Variants in DCC observed in about 807,000 individuals in gnomAD.
DCC encodes the protein DCC netrin 1 receptor.
Under a neutral mutation model 172.5 loss-of-function variants are expected in DCC, and 58 were observed. That is an observed-to-expected ratio of 0.34 (90% CI 0.27 to 0.42). The LOEUF is 0.42. Ranked by LOEUF, DCC falls within the 10% of genes least tolerant of loss-of-function variation. The pLI is 1.00. For synonymous variants in DCC, 709 were observed against 644.5 expected (o/e 1.10, Z -1.52); for missense variants, 1,740 against 1,791.0 (o/e 0.97, Z 0.51).
At chr18:52,955,128 T>G (rs899848913) in intron 5 of DCC, among the ~76,000 whole-genome samples, 4 of 152,188 alleles carry the variant, frequency 2.6e-5, no homozygotes, top group Non-Finnish European at 2.9e-5. Flanking sequence ...ATATGGGTTT[T>G]GGCAAAGATA....
At chr18:53,515,267 CTCAATAAATTAGGTAT>C (rs1196812829) in intron 27 of DCC, among the ~76,000 whole-genome samples, 1 of 151,888 alleles carries the variant, frequency 6.6e-6, no homozygotes, top group East Asian at 1.9e-4. Flanking sequence ...GCTAAAAACT[CTCAATAAATTAGGTAT>C]TGATGGGACG....
chr18:53,180,980 T>G (rs1367572763), intron 9 of DCC, among the ~76,000 whole-genome samples: 2 of 152,208 alleles, frequency 1.3e-5, no homozygotes, highest in African/African-American at 2.4e-5. Context: ...ATCAATAACT[T>G]TTATGACTAT....
At chr18:53,359,816 T>C (rs181262080) in intron 15 of DCC, among the ~76,000 whole-genome samples, 1 of 152,144 alleles carries the variant, frequency 6.6e-6, no homozygotes, top group Non-Finnish European at 1.5e-5. Flanking sequence ...CAGAGCCTAA[T>C]TTCTGATGCT....
intron 5 of DCC, among the ~76,000 whole-genome samples, chr18:52,958,869 T>C (rs2040792704): frequency 6.6e-6 from 1 of 152,124 alleles, no homozygotes; most frequent in South Asian, 2.1e-4. Context: ...AGTAAGGATT[T>C]AGAGCAAGCT....
chr18:52,815,595 T>C (rs755499764), intron 2 of DCC, among the ~76,000 whole-genome samples: 4 of 152,174 alleles, frequency 2.6e-5, no homozygotes, highest in Non-Finnish European at 4.4e-5. Context: ...GAGAAATTAA[T>C]TTCTGCTGTT....
chr18:53,315,958 GCT>G (rs892180056), intron 13 of DCC, among the ~76,000 whole-genome samples: 1 of 152,078 alleles, frequency 6.6e-6, no homozygotes, highest in African/African-American at 2.4e-5. Context: ...CTGTGCAGAA[GCT>G]CTTTAGTTTA....
intron 1 of DCC, among the ~76,000 whole-genome samples, chr18:52,617,943 G>T (rs2034414663): frequency 6.6e-6 from 1 of 152,094 alleles, no homozygotes; most frequent in Non-Finnish European, 1.5e-5. Context: ...CTAAGGCCTG[G>T]CTCAAAGGTA....
chr18:52,679,886 T>G (rs904382174), intron 1 of DCC, among the ~76,000 whole-genome samples: 2 of 152,108 alleles, frequency 1.3e-5, no homozygotes, highest in African/African-American at 4.8e-5. Context: ...TGATGTCCTG[T>G]ATTCTAATAG....
chr18:52,629,299 C>T (rs1431947320), intron 1 of DCC, among the ~76,000 whole-genome samples: 2 of 152,050 alleles, frequency 1.3e-5, no homozygotes, highest in Non-Finnish European at 1.5e-5. Flanking sequence ...TTCTACCCAC[C>T]CACCTCCACC....
At chr18:52,636,912 G>A (rs527528143) in intron 1 of DCC, among the ~76,000 whole-genome samples, 1 of 152,230 alleles carries the variant, frequency 6.6e-6, no homozygotes, top group Admixed American at 6.5e-5. Context: ...AACTCTCACT[G>A]AGTCCTGCAC....
At chr18:52,625,335 T>C (rs1301136503) in intron 1 of DCC, among the ~76,000 whole-genome samples, 1 of 152,148 alleles carries the variant, frequency 6.6e-6, no homozygotes, top group Non-Finnish European at 1.5e-5. Context: ...GAAAGAAGCA[T>C]AATGTAACCG....
intron 1 of DCC, among the ~76,000 whole-genome samples, chr18:52,543,234 T>C (rs950130130): frequency 1.3e-5 from 2 of 152,234 alleles, no homozygotes; most frequent in African/African-American, 4.8e-5. Context: ...AAATAGATTA[T>C]TTTAATTGCA....
chr18:52,981,959 A>C (rs2041217880), intron 5 of DCC, among the ~76,000 whole-genome samples: 3 of 152,190 alleles, frequency 2.0e-5, no homozygotes. Context: ...GCAAGAAGGC[A>C]TTCCAGGCAG....
At chr18:53,215,854 T>G (rs1411998844) in intron 12 of DCC, among the ~76,000 whole-genome samples, 2 of 152,316 alleles carry the variant, frequency 1.3e-5, no homozygotes, top group East Asian at 3.9e-4. Flanking sequence ...TGTGAATGTT[T>G]TAGTGGCCAA....
chr18:52,867,364 G>GT (rs1471167429), intron 2 of DCC, among the ~76,000 whole-genome samples: 1 of 152,156 alleles, frequency 6.6e-6, no homozygotes, highest in East Asian at 1.9e-4. Flanking sequence ...TCTCTGTCAG[G>GT]TTTTGGTATC....
rs768796248 is a variant in DCC, at chr18:53,171,522, T to C, written c.1419-7440T>C. 2.5e-4 allele frequency among the ~76,000 whole-genome samples: 38 copies of C among 152,230 alleles called. 1 individual carries two copies. Among genetic ancestry groups the C allele is most frequent in the Non-Finnish European group, 4.0e-4 (27 of 68,042 alleles). ...CCATATCAATGAATATGTTTATACATAAATTTTTTATGAATTATTAATTTT... is the reference window on the plus strand; with the variant it reads ...CCATATCAATGAATATGTTTATACACAAATTTTTTATGAATTATTAATTTT... On this transcript the variant is annotated intron_variant, in intron 8 of 28. Coordinates refer to ENST00000442544, the MANE Select transcript of DCC (RefSeq NM_005215.4).
intron 7 of DCC, among the ~76,000 whole-genome samples, chr18:53,102,558 G>C (rs2043189174): frequency 6.6e-6 from 1 of 152,072 alleles, no homozygotes; most frequent in South Asian, 2.1e-4. Context: ...ATGTGGGTGA[G>C]TGAGCATTGC....
At chr18:53,394,477 A>G (rs1409257719) in intron 17 of DCC, among the ~76,000 whole-genome samples, 2 of 152,186 alleles carry the variant, frequency 1.3e-5, no homozygotes, top group African/African-American at 2.4e-5. Flanking sequence ...AACTTTCCTG[A>G]TCAAATGGAG....
chr18:52,934,217 G>A (rs1207411225), intron 5 of DCC, among the ~76,000 whole-genome samples: 1 of 151,778 alleles, frequency 6.6e-6, no homozygotes, highest in African/African-American at 2.4e-5. Flanking sequence ...CAATATAACA[G>A]TATCTAGTGA....
Sources: allele counts gnomAD v4.1 joint callset (sites outside exome capture counted in the v4.1 genomes callset), GRCh38; gene constraint gnomAD v4.1.1; transcripts MANE v1.5; gene names NCBI Gene and HGNC (gene_info 2026-07-23, HGNC 2026-07-21).